Variants in CACNA1G observed in about 807,000 individuals in gnomAD.
The protein encoded by CACNA1G is voltage-dependent T-type calcium channel subunit alpha-1G.
CACNA1G carries 67 observed loss-of-function variants against 219.4 expected under a neutral mutation model. The ratio of observed to expected loss-of-function variants is 0.31; its 90% CI spans 0.25 to 0.37. The LOEUF (loss-of-function observed/expected upper bound fraction) is 0.37, where lower values mean the gene tolerates loss of function less well. Ranked by LOEUF, CACNA1G falls within the 10% of genes least tolerant of loss-of-function variation. The probability of loss-of-function intolerance (pLI) is 1.00; values close to 1 mark genes in which losing one functional copy is unlikely to be tolerated. For synonymous variants in CACNA1G, 1,296 were observed against 1,345.3 expected, an observed-to-expected ratio of 0.96 and a Z score of 0.80; for missense variants, 2,380 against 3,231.4, an observed-to-expected ratio of 0.74 and a Z score of 6.39.
In CACNA1G at chr17:50,596,863, G is replaced by T. The variant is rs752739829; in HGVS notation, c.3198G>T (p.Ser1066=). The T allele has an allele frequency of 6.3e-7, 1 of 1,595,614 alleles. No homozygotes were observed. Among genetic ancestry groups the T allele is most frequent in the Non-Finnish European group, 8.5e-7 (1 of 1,171,478 alleles). ...TGGGCGAGGCGCTGGGCCCTGCGTC[G>T]CGCCGCACCAGCAGCAGCGGGTCGG... The part of the protein sequence containing the change: ...TGLGEALGPA[S]RRTSSSGSAE... The change falls in exon 16 of 38, where the codon TCG becomes TCT. Residue 1066 remains serine, a synonymous_variant. Transcript: ENST00000359106. The surrounding 1 kb of genome is among the most constrained non-coding windows in gnomAD (Gnocchi z 4.8).
Position 50,576,155 on chromosome 17 carries a change from G to A in CACNA1G, c.1753G>A (p.Gly585Ser). 1 of 1,609,018 alleles carries A rather than the reference G, an allele frequency of 6.2e-7. No homozygotes were observed. Among genetic ancestry groups the A allele is most frequent in the Non-Finnish European group, 8.5e-7 (1 of 1,178,370 alleles). The change falls in exon 8 of 38, where the codon GGC (glycine) becomes AGC (serine). Residue 585 changes from glycine (G) to serine (S), a missense_variant. By Grantham distance (56) the Gly-to-Ser change is moderately conservative. Coordinates refer to ENST00000359106, the MANE Select transcript of CACNA1G (RefSeq NM_018896.5). ...ATCTGAGGCATCCGGCAGGACTGTG[G>A]GCAGCGGGAAGGTGTATCCCACCGT... Reference protein sequence around the residue: ...SPSEASGRTVGSGKVYPTVHT... With the variant: ...SPSEASGRTVSSGKVYPTVHT...
chr17:50,593,447 G>A (rs1487891108), intron 13 of CACNA1G, among the ~76,000 whole-genome samples: 1 of 152,250 alleles, frequency 6.6e-6, no homozygotes, highest in Non-Finnish European at 1.5e-5. Context: ...AGCCGCCAAG[G>A]CAGTCTGGAG....
Position 50,618,434 on chromosome 17 carries a change from A to G in CACNA1G, c.5427+91A>G. The G allele has an allele frequency of 1.3e-6, 2 of 1,526,936 alleles. No individual in the cohort carries two copies. Among genetic ancestry groups the G allele is most frequent in the Non-Finnish European group, 1.8e-6 (2 of 1,113,130 alleles). The allele number at this position is 1,526,936 out of a possible 1,614,324, so 94.6% of individuals were successfully genotyped here. On this transcript the variant is annotated intron_variant, in intron 32 of 37. Transcript: ENST00000359106. The surrounding 1 kb of genome is among the most constrained non-coding windows in gnomAD (Gnocchi z 5.3). ...GGAAGATGAATTGGCCACAAATAAA[A>G]GCATGTGACCTTCTCTCCCCCGTGC...
intron 1 of CACNA1G, among the ~76,000 whole-genome samples, chr17:50,563,459 G>A (rs963361454): frequency 2.0e-5 from 3 of 152,180 alleles, no homozygotes; most frequent in African/African-American, 4.8e-5. Context: ...CCCCTTCCAC[G>A]AATGGGAAAA....
chr17:50,623,090 G>A (rs2052560687), intron 35 of CACNA1G, among the ~76,000 whole-genome samples: 1 of 122,484 alleles, frequency 8.2e-6, no homozygotes, highest in Non-Finnish European at 1.6e-5. Context: ...GCTGCTGTTG[G>A]CTTTTTTTTT....
At chr17:50,606,302 G>A (rs1052440925) in intron 23 of CACNA1G, 16 of 684,468 alleles carry the variant, frequency 2.3e-5, no homozygotes, top group Non-Finnish European at 4.3e-5. Flanking sequence ...GCTACATGGT[G>A]GAGCAGGAAG....
rs1303159195 is a variant in CACNA1G at position 50,626,584 on chromosome 17, A to C, written c.6967A>C (p.Thr2323Pro). The C allele has an allele frequency of 1.2e-5, 20 of 1,604,508 alleles. No individual in the cohort carries two copies. Among genetic ancestry groups the C allele is most frequent in the Non-Finnish European group, 1.7e-5 (20 of 1,176,236 alleles). The change falls in exon 38 of 38, where the codon ACC (threonine) becomes CCC (proline). Residue 2323 changes from threonine to proline, a missense_variant. By Grantham distance (38) the Thr-to-Pro change is conservative. Coordinates refer to ENST00000359106, the MANE Select transcript of CACNA1G (RefSeq NM_018896.5). This position sits in a 1 kb window ranked among gnomAD's most constrained non-coding sequence, Gnocchi z 4.3. ...IDPPESQGPR[T>P]PPSPGICLRR... The stretch of plus-strand genomic sequence containing the variant: ...CCCCCCCGAGAGCCAAGGTCCTCGG[A>C]CCCCGCCCAGCCCTGGTATCTGCCT...
chr17:50,581,764 C>T (rs565421093), intron 9 of CACNA1G, among the ~76,000 whole-genome samples: 8 of 152,332 alleles, frequency 5.3e-5, no homozygotes, highest in Middle Eastern at 3.4e-3. Flanking sequence ...GACCTGATGT[C>T]GAAGTGTGAT....
intron 3 of CACNA1G, 85 bp from the exon 4 acceptor site, chr17:50,569,621 C>A: frequency 1.1e-6 from 1 of 936,778 alleles, no homozygotes; most frequent in South Asian, 1.4e-5. Flanking sequence ...TCCTGCTGCC[C>A]CTAAAGCAGG....
intron 9 of CACNA1G, among the ~76,000 whole-genome samples, chr17:50,588,847 C>T (rs555285614): frequency 1.2e-4 from 19 of 152,298 alleles, no homozygotes; most frequent in Non-Finnish European, 1.8e-4. Flanking sequence ...TCCCAAATGC[C>T]GCTCACCTGC....
Position 50,600,948 on chromosome 17 carries a change from C to T in CACNA1G, c.3792-103C>T, listed in dbSNP as rs538999311. The T allele has an allele frequency of 5.3e-5, 84 of 1,574,948 alleles. No homozygotes were observed. The highest frequency in any genetic ancestry group is 1.8e-4 in the Admixed American group (11 of 59,524). On this transcript the variant is annotated intron_variant, in intron 18 of 37. Transcript: ENST00000359106. The surrounding 1 kb of genome is among the most constrained non-coding windows in gnomAD (Gnocchi z 4.1). ...CCTGCCTGGGGTGTGAGCAGGGTGG[C>T]CTCAGCTGGGAGGGCACTGGAGGGG...
intron 1 of CACNA1G, among the ~76,000 whole-genome samples, chr17:50,566,619 G>A (rs2037949259): frequency 6.6e-6 from 1 of 152,234 alleles, no homozygotes; most frequent in Admixed American, 6.5e-5. Context: ...CCAGTTATAA[G>A]CAGTTCACCT....
rs777147528 is a variant in CACNA1G at position 50,596,551 on chromosome 17, C to T, written c.2980-11C>T. On this transcript the variant is annotated splice_polypyrimidine_tract_variant and intron_variant, in intron 14 of 37. Coordinates refer to ENST00000359106, the MANE Select transcript of CACNA1G (RefSeq NM_018896.5). The surrounding 1 kb of genome is among the most constrained non-coding windows in gnomAD (Gnocchi z 4.8). ...CCGGATCCCTAATGGTCCGCTGCTC[C>T]CCTGCCCTAGGGAGATGCCAACAAG... 2.5e-6 allele frequency: 4 copies of T among 1,613,402 alleles called. No individual in the cohort carries two copies. Among genetic ancestry groups the T allele is most frequent in the Non-Finnish European group, 3.4e-6 (4 of 1,179,398 alleles).
chr17:50,570,942 G>A (rs933528191), intron 4 of CACNA1G, among the ~76,000 whole-genome samples: 21 of 152,194 alleles, frequency 1.4e-4, no homozygotes, highest in African/African-American at 4.8e-4. Context: ...GGAGGGGCCA[G>A]GGGGCCATAG....
rs1282651670 is a variant in CACNA1G, at chr17:50,575,527, G to C, written c.1141-16G>C. The C allele has an allele frequency of 6.3e-7, 1 of 1,595,948 alleles. No individual in the cohort carries two copies. The highest frequency in any genetic ancestry group is 8.6e-7 in the Non-Finnish European group (1 of 1,167,900). ...TTTCTTCAGGACATTTCCTCTTCCT[G>C]TCCCCACCCCTACAGGTGGGCTCCT... is the stretch of plus-strand genomic sequence containing the variant. On this transcript the variant is annotated splice_polypyrimidine_tract_variant and intron_variant, in intron 7 of 37. Coordinates refer to ENST00000359106, the MANE Select transcript of CACNA1G (RefSeq NM_018896.5).
chr17:50,599,410 T>A lies in CACNA1G; in HGVS notation c.3259-18T>A. ...GCTGGGCCCTGCCTGAGACCACTCC[T>A]CCCCTGCTCACCCACAGCCCAGCGC... On this transcript the variant is annotated intron_variant, in intron 16 of 37. Coordinates refer to ENST00000359106, the MANE Select transcript of CACNA1G (RefSeq NM_018896.5). 6.6e-7 allele frequency: 1 copy of A among 1,523,528 alleles called. No homozygotes were observed. The highest frequency in any genetic ancestry group is 8.8e-7 in the Non-Finnish European group (1 of 1,135,610). 94.4% of individuals were successfully genotyped at this position (1,523,528 alleles called of 1,614,324 possible). A position where few individuals can be genotyped will look rare whatever the true frequency, so the allele number is the denominator to read the frequency against.
At chr17:50,565,322 C>A (rs1258596813) in intron 1 of CACNA1G, among the ~76,000 whole-genome samples, 9 of 150,818 alleles carry the variant, frequency 6.0e-5, no homozygotes, top group Non-Finnish European at 1.3e-4. Flanking sequence ...CCTCTCTCCC[C>A]CTACACCCAC....
In CACNA1G at chr17:50,627,336, A is replaced by T; in HGVS notation, c.*585A>T. ...TATTTTTTCCTTTAACCTCGTCATCATTTTCTGTAGGGAAAAAAAAAAGAA... is the reference window on the plus strand; with the variant it reads ...TATTTTTTCCTTTAACCTCGTCATCTTTTTCTGTAGGGAAAAAAAAAAGAA... On this transcript the variant is annotated 3_prime_UTR_variant, in exon 38 of 38. Coordinates refer to ENST00000359106, the MANE Select transcript of CACNA1G (RefSeq NM_018896.5). 1 of 397,822 alleles carries T rather than the reference A, an allele frequency of 2.5e-6. No individual in the cohort carries two copies. Among genetic ancestry groups the T allele is most frequent in the Non-Finnish European group, 5.0e-6 (1 of 201,762 alleles). The allele number at this position is 397,822 out of a possible 1,614,324, so 24.6% of individuals were successfully genotyped here.
intron 14 of CACNA1G, among the ~76,000 whole-genome samples, chr17:50,595,770 C>A (rs1476029776): frequency 1.1e-4 from 16 of 152,378 alleles, no homozygotes; most frequent in Non-Finnish European, 1.5e-4. Flanking sequence ...ATATCCCGAG[C>A]AGCCCCCTGG....
Sources: gnomAD v4.1 joint callset for allele counts (sites outside exome capture counted in the v4.1 genomes callset) on GRCh38, gnomAD v4.1.1 for gene constraint, Gnocchi (gnomAD v3.1) non-coding constraint, MANE v1.5 for transcripts, NCBI Gene and HGNC (gene_info 2026-07-23, HGNC 2026-07-21) for gene names.